CTNNA2: variants seen among roughly 807,000 people sequenced by gnomAD.
CTNNA2 encodes catenin alpha-2.
Under a neutral mutation model 101.0 loss-of-function variants are expected in CTNNA2, and 42 were observed. The ratio of observed to expected loss-of-function variants is 0.42; its 90% CI spans 0.32 to 0.54. The LOEUF (loss-of-function observed/expected upper bound fraction) is 0.54, where lower values mean the gene tolerates loss of function less well. CTNNA2 is among the 20% of genes least tolerant of loss of function. The pLI is 0.14. For synonymous variants in CTNNA2, 450 were observed against 456.4 expected (o/e 0.99, Z 0.18); for missense variants, 871 against 1,223.1 (o/e 0.71, Z 4.29).
At chr2:80,417,942 T>C (rs945732898) in intron 8 of CTNNA2, among the ~76,000 whole-genome samples, 1 of 152,188 alleles carries the variant, frequency 6.6e-6, no homozygotes, top group Non-Finnish European at 1.5e-5. Flanking sequence ...CTCTCACTTC[T>C]GTTATTTTTG....
chr2:79,771,419 G>A (rs1191644907), intron 3 of CTNNA2, among the ~76,000 whole-genome samples: 1 of 152,094 alleles, frequency 6.6e-6, no homozygotes, highest in Non-Finnish European at 1.5e-5. Flanking sequence ...TATTTGTTGT[G>A]CACCTTATTT....
At chr2:79,711,721 G>A (rs1685753113) in intron 2 of CTNNA2, among the ~76,000 whole-genome samples, 1 of 152,288 alleles carries the variant, frequency 6.6e-6, no homozygotes, top group East Asian at 1.9e-4. Context: ...TAAAGGGTCA[G>A]ATAGTGAATA....
chr2:79,929,192 A>C (rs1687223152), intron 7 of CTNNA2, among the ~76,000 whole-genome samples: 1 of 152,132 alleles, frequency 6.6e-6, no homozygotes, highest in Admixed American at 6.5e-5. Context: ...ATTTCATCCA[A>C]AAGTAGGTAG....
At chr2:79,426,008 T>G (rs1678589104) in intron 4 of CTNNA2, among the ~76,000 whole-genome samples, 1 of 152,150 alleles carries the variant, frequency 6.6e-6, no homozygotes, top group Non-Finnish European at 1.5e-5. Flanking sequence ...CTGTAAGTTA[T>G]GTATATAAAA....
intron 1 of CTNNA2, among the ~76,000 whole-genome samples, chr2:79,551,760 A>G (rs1369544730): frequency 6.6e-6 from 1 of 152,184 alleles, no homozygotes; most frequent in African/African-American, 2.4e-5. Flanking sequence ...GGAAGCAGGC[A>G]CATCTTACAT....
Position 79,799,556 on chromosome 2 carries a change from A to G in CTNNA2, c.298+54974A>G, listed in dbSNP as rs571703338. On this transcript the variant is annotated intron_variant, in intron 3 of 18. Transcript: ENST00000402739. ...ACTGCAGAAATTTAAATCCCCCACG[A>G]TTTTACTGTACATAACAAAGATTTG... Among the ~76,000 whole-genome samples, 14 of 152,266 alleles carry G rather than the reference A, an allele frequency of 9.2e-5. No individual in the cohort carries two copies. The East Asian group carries it at 2.7e-3, about 29-fold the overall frequency.
At chr2:80,061,295 A>G (rs1294981693) in intron 7 of CTNNA2, among the ~76,000 whole-genome samples, 1 of 152,232 alleles carries the variant, frequency 6.6e-6, no homozygotes, top group Non-Finnish European at 1.5e-5. Flanking sequence ...CTGATTATAT[A>G]AGAATATAAT....
intron 3 of CTNNA2, among the ~76,000 whole-genome samples, chr2:79,317,666 C>A (rs1319765309): frequency 6.6e-6 from 1 of 151,930 alleles, no homozygotes; most frequent in East Asian, 1.9e-4. Flanking sequence ...AATGAATATC[C>A]CTTATTTCAT....
chr2:80,071,781 T>C (rs1572994726), intron 7 of CTNNA2, among the ~76,000 whole-genome samples: 1 of 152,248 alleles, frequency 6.6e-6, no homozygotes, highest in African/African-American at 2.4e-5. Flanking sequence ...TCGGCAGGGG[T>C]TGGAGAATGG....
At chr2:79,361,647 G>A (rs1003157523) in intron 3 of CTNNA2, among the ~76,000 whole-genome samples, 1 of 152,092 alleles carries the variant, frequency 6.6e-6, no homozygotes, top group Non-Finnish European at 1.5e-5. Context: ...TACATATAAA[G>A]GGGAGTTTAT....
intron 7 of CTNNA2, among the ~76,000 whole-genome samples, chr2:80,155,416 A>C (rs1703949460): frequency 6.6e-6 from 1 of 152,232 alleles, no homozygotes; most frequent in African/African-American, 2.4e-5. Context: ...ACGGGAAAAC[A>C]AATGGAGTAA....
At chr2:79,898,696 G>T (rs1283502215) in intron 6 of CTNNA2, among the ~76,000 whole-genome samples, 1 of 152,120 alleles carries the variant, frequency 6.6e-6, no homozygotes, top group African/African-American at 2.4e-5. Flanking sequence ...CCTTATAAGT[G>T]AGAGTGTTAG....
intron 2 of CTNNA2, among the ~76,000 whole-genome samples, chr2:79,667,626 C>G (rs1422945509): frequency 6.6e-6 from 1 of 152,106 alleles, no homozygotes; most frequent in East Asian, 1.9e-4. Flanking sequence ...AAAGGTAAAT[C>G]CTCAAAATAG....
At position 80,558,445 on chromosome 2, in the gene CTNNA2, T is replaced by G. The variant is rs1207957808; in HGVS notation, c.1741+2552T>G. On this transcript the variant is annotated intron_variant, in intron 12 of 18. Transcript: ENST00000402739. ...TTATGGTTGTACAAAGTTTTGTTGG[T>G]GTGTGTGTGTGTGTATATATGTGTG... 8.7e-4 allele frequency among the ~76,000 whole-genome samples: 5 copies of G among 5,734 alleles called. No homozygotes were observed. In the Non-Finnish European group the frequency reaches 0.023, roughly 27 times the overall value. 3.8% of individuals were successfully genotyped at this position (5,734 alleles called of 152,430 possible).
intron 2 of CTNNA2, among the ~76,000 whole-genome samples, chr2:79,199,846 T>C (rs937915354): frequency 1.1e-4 from 16 of 152,206 alleles, no homozygotes; most frequent in Admixed American, 8.5e-4. Flanking sequence ...GGACTACAGA[T>C]GGTTGCACAA....
chr2:79,962,987 T>C (rs7572354), intron 7 of CTNNA2, among the ~76,000 whole-genome samples: 86,113 of 147,288 alleles, frequency 0.58, 25,302 homozygotes, highest in East Asian at 0.68. Context: ...AGGAGAACGG[T>C]GTGAACCCGG....
intron 12 of CTNNA2, among the ~76,000 whole-genome samples, chr2:80,572,355 A>T (rs1694674010): frequency 6.6e-6 from 1 of 152,118 alleles, no homozygotes; most frequent in Non-Finnish European, 1.5e-5. Context: ...GATTTGTGGG[A>T]TTAGTCTATT....
chr2:80,149,746 G>A (rs1268293367), intron 7 of CTNNA2, among the ~76,000 whole-genome samples: 2 of 147,962 alleles, frequency 1.4e-5, no homozygotes, highest in African/African-American at 5.0e-5. Flanking sequence ...TTCAACTCTA[G>A]ATTCAGGGAA....
chr2:79,433,941 A>C (rs1678683466), intron 4 of CTNNA2, among the ~76,000 whole-genome samples: 1 of 152,198 alleles, frequency 6.6e-6, no homozygotes, highest in Non-Finnish European at 1.5e-5. Flanking sequence ...CAATAGAATA[A>C]AGAGCACATA....
Sources: gnomAD v4.1 joint callset for allele counts (sites outside exome capture counted in the v4.1 genomes callset) on GRCh38, gnomAD v4.1.1 for gene constraint, MANE v1.5 for transcripts, NCBI Gene and HGNC (gene_info 2026-07-23, HGNC 2026-07-21) for gene names.